NADK: variants seen among roughly 807,000 people sequenced by gnomAD.
The protein encoded by NADK is poly(P)/ATP NAD kinase.
NADK carries 22 observed loss-of-function variants against 49.8 expected under a neutral mutation model. The observed-to-expected ratio is 0.44, with a 90% CI of 0.32 to 0.63. The LOEUF (loss-of-function observed/expected upper bound fraction) is 0.63, where lower values mean the gene tolerates loss of function less well. Among genes scored for constraint, NADK ranks in the 30% least tolerant of loss-of-function variants. The pLI, the probability that NADK is intolerant of heterozygous loss-of-function variation, is 0.06. For missense variants in NADK, 438 were observed against 609.4 expected, an observed-to-expected ratio of 0.72 and a Z score of 2.96; for synonymous variants, 268 against 253.7, an observed-to-expected ratio of 1.06 and a Z score of -0.54.
intron 2 of NADK, among the ~76,000 whole-genome samples, chr1:1,764,730 C>T (rs913866629): frequency 6.6e-6 from 1 of 152,120 alleles, no homozygotes. Flanking sequence ...GGTGAAACCC[C>T]GTCTCTACAA....
chr1:1,763,544 G>A (rs955802108), intron 2 of NADK, among the ~76,000 whole-genome samples: 20 of 150,716 alleles, frequency 1.3e-4, no homozygotes, highest in African/African-American at 4.1e-4. Flanking sequence ...ACTTGAACTC[G>A]GGAGGCAGAG....
In NADK at chr1:1,773,699, T is replaced by C. The variant is rs1216055300; in HGVS notation, c.-41+4590A>G. ...TTTTGTGTGTGTGTGTGTGTGTGTG[T>C]GTGTGTGTGTGTGTGTGTGTGTGTG... is the stretch of plus-strand genomic sequence containing the variant. On this transcript the variant is annotated intron_variant, in intron 1 of 11. Coordinates refer to ENST00000341426, the MANE Select transcript of NADK (RefSeq NM_023018.5). Among the ~76,000 whole-genome samples, 178 of 100,030 alleles carry C rather than the reference T, an allele frequency of 1.8e-3. 2 individuals are homozygous for C. Among genetic ancestry groups the C allele is most frequent in the African/African-American group, 4.8e-3 (162 of 34,000 alleles). 65.6% of individuals were successfully genotyped at this position (100,030 alleles called of 152,430 possible). A position where few individuals can be genotyped will look rare whatever the true frequency, so the allele number is the denominator to read the frequency against.
At chr1:1,756,041 G>A (rs1645508513) in intron 6 of NADK, 3 of 600,856 alleles carry the variant, frequency 5.0e-6, no homozygotes, top group Non-Finnish European at 8.9e-6. Context: ...TCCCAGGCGG[G>A]CGCTGGCCAC....
At chr1:1,780,059 T>G (rs1466013000), upstream of NADK, 2 of 152,182 alleles carry the variant, frequency 1.3e-5, no homozygotes, top group Non-Finnish European at 2.9e-5. Flanking sequence ...TCATGAGAAC[T>G]TGGGGGATTT....
At position 1,778,388 on chromosome 1, in the gene NADK, G is replaced by A. The variant is rs1646276971; in HGVS notation, c.-140C>T. Reference sequence around the variant, plus strand: ...GCCAGCCGTCGCTACCTGGCCCTTGGCGCCCTGGCCGCCTGTTGCCCCATG... The same window carrying A: ...GCCAGCCGTCGCTACCTGGCCCTTGACGCCCTGGCCGCCTGTTGCCCCATG... On this transcript the variant is annotated 5_prime_UTR_variant, in exon 1 of 12. Coordinates refer to ENST00000341426, the MANE Select transcript of NADK (RefSeq NM_023018.5). The surrounding 1 kb of genome is among the most constrained non-coding windows in gnomAD (Gnocchi z 4.9). The A allele has an allele frequency of 6.7e-6, 1 of 149,800 alleles. No individual in the cohort carries two copies. The highest frequency in any genetic ancestry group is 2.4e-5 in the African/African-American group (1 of 41,078). 9.3% of individuals were successfully genotyped at this position (149,800 alleles called of 1,614,324 possible).
chr1:1,752,872 C>A lies in NADK; in HGVS notation c.*32G>T. 4 of 1,597,850 alleles carry A rather than the reference C, an allele frequency of 2.5e-6. No individual in the cohort carries two copies. Among genetic ancestry groups the A allele is most frequent in the Non-Finnish European group, 3.4e-6 (4 of 1,170,088 alleles). Reference sequence around the variant, plus strand: ...TCCCCAGAGGGCGCTTGGAGGGCAGCGGAAGGATTCGGGCCTGGATAGGGG... The same window carrying A: ...TCCCCAGAGGGCGCTTGGAGGGCAGAGGAAGGATTCGGGCCTGGATAGGGG... On this transcript the variant is annotated 3_prime_UTR_variant, in exon 12 of 12. Coordinates refer to ENST00000341426, the MANE Select transcript of NADK (RefSeq NM_023018.5).
At chr1:1,769,879 C>G (rs569463134) in intron 1 of NADK, among the ~76,000 whole-genome samples, 1 of 152,172 alleles carries the variant, frequency 6.6e-6, no homozygotes, top group Admixed American at 6.5e-5. Context: ...GAGTTTGAGA[C>G]CAGCCTGACC....
intron 3 of NADK, chr1:1,759,244 C>G (rs1480805975): frequency 7.7e-6 from 12 of 1,566,810 alleles, no homozygotes; most frequent in Middle Eastern, 1.7e-4. Context: ...CCTGGGTCAC[C>G]TGCAAAGCAG....
At chr1:1,758,510 G>T (rs779363599) in intron 3 of NADK, 80 of 1,609,748 alleles carry the variant, frequency 5.0e-5, no homozygotes, top group Non-Finnish European at 6.5e-5. Flanking sequence ...GGCCACGCTT[G>T]GCGAACACGC....
chr1:1,753,335 A>G lies in NADK; in HGVS notation c.1184+232T>C, dbSNP rs946140128. 3.3e-5 allele frequency among the ~76,000 whole-genome samples: 5 copies of G among 151,134 alleles called. 1 individual carries two copies. Among genetic ancestry groups the G allele is most frequent in the Admixed American group, 2.0e-4 (3 of 15,268 alleles). On this transcript the variant is annotated intron_variant, in intron 11 of 11. Coordinates refer to ENST00000341426, the MANE Select transcript of NADK (RefSeq NM_023018.5). ...GTGGGTGGGGGTGGGCAGCAGTGCC[A>G]GGGGGGACACCCTCAGGCCTCTGCT...
At chr1:1,753,391 G>T (rs993933773) in intron 11 of NADK, among the ~76,000 whole-genome samples, 176 bp downstream of exon 11, 13 of 152,194 alleles carry the variant, frequency 8.5e-5, no homozygotes, top group African/African-American at 2.7e-4. Flanking sequence ...CACCGTATGC[G>T]ACCCGCTGCC....
chr1:1,774,607 C>T (rs922837542), intron 1 of NADK, among the ~76,000 whole-genome samples: 9 of 151,358 alleles, frequency 5.9e-5, no homozygotes, highest in Admixed American at 1.3e-4. Context: ...GGCCACTGCG[C>T]GCGGCCACCA....
intron 1 of NADK, among the ~76,000 whole-genome samples, chr1:1,773,312 G>GT (rs1646106357): frequency 6.8e-6 from 1 of 146,522 alleles, no homozygotes; most frequent in Admixed American, 6.9e-5. Flanking sequence ...GCTAATTTTT[G>GT]TATTTTAAGT....
chr1:1,767,804 C>A (rs1005434432), intron 1 of NADK, among the ~76,000 whole-genome samples: 1 of 152,094 alleles, frequency 6.6e-6, no homozygotes, highest in African/African-American at 2.4e-5. Flanking sequence ...GTGAGCCACT[C>A]CACCCAGCAA....
intron 1 of NADK, among the ~76,000 whole-genome samples, chr1:1,769,969 CAAAACAAAAACAAAAACAAAAACA>C (rs143674742): frequency 4.7e-5 from 7 of 147,444 alleles, no homozygotes; most frequent in South Asian, 4.3e-4. Context: ...TCCCAGCACT[CAAAACAAAAACAAAAACAAAAACA>C]AAAACAAAAA....
intron 1 of NADK, among the ~76,000 whole-genome samples, chr1:1,765,938 C>CA (rs905443555): frequency 1.2e-4 from 18 of 150,968 alleles, no homozygotes; most frequent in African/African-American, 4.9e-5. Flanking sequence ...ATAATATTAA[C>CA]AAAAAAAATT....
chr1:1,761,755 GC>G, intron 3 of NADK, 196 bp downstream of exon 3: 2 of 525,858 alleles, frequency 3.8e-6, no homozygotes, highest in Non-Finnish European at 6.9e-6. Context: ...CAGGGAGGAC[GC>G]CCATGTGGCT....
At chr1:1,760,848 C>T (rs1318887953) in intron 3 of NADK, among the ~76,000 whole-genome samples, 1 of 152,242 alleles carries the variant, frequency 6.6e-6, no homozygotes. Flanking sequence ...ACTTTTTTCT[C>T]TGGAGACAGT....
upstream of NADK, chr1:1,778,575 G>C (rs1168463631): frequency 6.6e-6 from 1 of 151,132 alleles, no homozygotes; most frequent in Non-Finnish European, 1.5e-5. This position sits in a 1 kb window ranked among gnomAD's most constrained non-coding sequence, Gnocchi z 4.9. Flanking sequence ...GCGGGAGGCG[G>C]CGGGCGTGGC....
Sources: gnomAD v4.1 joint callset for allele counts (sites outside exome capture counted in the v4.1 genomes callset) on GRCh38, gnomAD v4.1.1 for gene constraint, Gnocchi (gnomAD v3.1) non-coding constraint, MANE v1.5 for transcripts, NCBI Gene and HGNC (gene_info 2026-07-23, HGNC 2026-07-21) for gene names.